Variants in AHCTF1 observed in about 807,000 individuals in gnomAD.
AHCTF1 encodes the protein AT-hook containing transcription factor 1.
Under a neutral mutation model 248.4 loss-of-function variants are expected in AHCTF1, and 24 were observed. The ratio of observed to expected loss-of-function variants is 0.10; its 90% CI spans 0.07 to 0.14. The LOEUF is 0.14. AHCTF1 is among the 10% of genes least tolerant of loss of function. The pLI is 1.00. For missense variants in AHCTF1, 2,206 were observed against 2,636.2 expected, an observed-to-expected ratio of 0.84 and a Z score of 3.57; for synonymous variants, 786 against 929.8, an observed-to-expected ratio of 0.85 and a Z score of 2.81.
rs963906079 is a variant in AHCTF1 at position 246,917,293 on chromosome 1, C to A, written c.122-898G>T. On this transcript the variant is annotated intron_variant, in intron 2 of 35. Transcript: ENST00000648844. ...ACAGGGAGGTGAGTAAAACAAGAAT[C>A]AAGTACAGACTCCGAATTTCTGCTT... Among the ~76,000 whole-genome samples the A allele has an allele frequency of 4.6e-5, 7 of 152,172 alleles. 1 individual carries two copies. The highest frequency in any genetic ancestry group is 4.1e-4 in the South Asian group (2 of 4,834).
chr1:246,898,133 A>C, intron 12 of AHCTF1, 75 bp downstream of exon 12: 1 of 1,577,900 alleles, frequency 6.3e-7, no homozygotes, highest in Non-Finnish European at 8.6e-7. Flanking sequence ...AAATTATCTA[A>C]TACATTTTTA....
chr1:246,900,540 A>G (rs1437948284), intron 8 of AHCTF1, 71 bp from the exon 9 acceptor site: 5 of 1,460,668 alleles, frequency 3.4e-6, no homozygotes, highest in Admixed American at 2.7e-5. Context: ...ACAGAATTAT[A>G]GCAAGATTTT....
At chr1:246,862,626 CT>C (rs1661651551) in intron 27 of AHCTF1, among the ~76,000 whole-genome samples, 2 of 152,096 alleles carry the variant, frequency 1.3e-5, no homozygotes, top group South Asian at 2.1e-4. Context: ...TCTTCCAGAG[CT>C]TTTTATACGT....
intron 1 of AHCTF1, among the ~76,000 whole-genome samples, chr1:246,921,221 T>C (rs551096776): frequency 1.3e-5 from 2 of 151,936 alleles, no homozygotes; most frequent in Non-Finnish European, 2.9e-5. Context: ...GACAAAACTA[T>C]GAAAAAAACA....
At chr1:246,885,754 T>TA (rs1663772854) in intron 20 of AHCTF1, 74 bp from the exon 21 acceptor site, 1 of 1,333,054 alleles carries the variant, frequency 7.5e-7, no homozygotes, top group Non-Finnish European at 1.0e-6. Context: ...AACCTAACAC[T>TA]AAAAACCACA....
At chr1:246,919,281 T>C (rs1256343336) in intron 1 of AHCTF1, among the ~76,000 whole-genome samples, 1 of 152,134 alleles carries the variant, frequency 6.6e-6, no homozygotes, top group Non-Finnish European at 1.5e-5. Flanking sequence ...AGCCTAAAGG[T>C]GAGCAAGAAC....
In AHCTF1 at chr1:246,876,007, G is replaced by A. The variant is rs755976686; in HGVS notation, c.3088+30C>T. ...ATTCAGTATCTTTTTTGATCCAATA[G>A]ATTATGATATTCTTCAATGAAATTC... is the stretch of plus-strand genomic sequence containing the variant. On this transcript the variant is annotated intron_variant, in intron 24 of 35. Coordinates refer to ENST00000648844, the MANE Select transcript of AHCTF1 (RefSeq NM_001323342.2). 1.9e-6 allele frequency: 3 copies of A among 1,553,616 alleles called. No homozygotes were observed. In the South Asian group the frequency reaches 3.6e-5, roughly 19 times the overall value.
intron 21 of AHCTF1, 126 bp downstream of exon 21, chr1:246,885,367 C>G: frequency 1.4e-6 from 1 of 704,528 alleles, no homozygotes; most frequent in Non-Finnish European, 2.3e-6. Context: ...GATGCAGAAC[C>G]CACTAATACA....
chr1:246,889,499 C>CT (rs1334732691), intron 17 of AHCTF1, among the ~76,000 whole-genome samples: 1 of 152,154 alleles, frequency 6.6e-6, no homozygotes, highest in African/African-American at 2.4e-5. Flanking sequence ...TAAAATATGC[C>CT]TAGTCAATCT....
At chr1:246,893,440 CAAGAG>C (rs945497531) in intron 14 of AHCTF1, among the ~76,000 whole-genome samples, 2 of 152,212 alleles carry the variant, frequency 1.3e-5, no homozygotes, top group African/African-American at 4.8e-5. Flanking sequence ...CATCATGACA[CAAGAG>C]AAATGACTAA....
intron 1 of AHCTF1, among the ~76,000 whole-genome samples, chr1:246,926,623 A>T (rs1331770846): frequency 6.6e-6 from 1 of 152,154 alleles, no homozygotes; most frequent in African/African-American, 2.4e-5. Flanking sequence ...CGGAAAGCTG[A>T]GGTGGGTGGA....
chr1:246,924,212 T>G (rs577101372), intron 1 of AHCTF1, among the ~76,000 whole-genome samples: 3 of 152,170 alleles, frequency 2.0e-5, no homozygotes, highest in Non-Finnish European at 4.4e-5. Flanking sequence ...TTTAAAAAAT[T>G]TATAAAGAAA....
chr1:246,869,867 A>G (rs1272399505), intron 24 of AHCTF1, among the ~76,000 whole-genome samples: 1 of 152,230 alleles, frequency 6.6e-6, no homozygotes, highest in Non-Finnish European at 1.5e-5. Context: ...CGCAATTTTC[A>G]AGATATAATT....
intron 11 of AHCTF1, among the ~76,000 whole-genome samples, chr1:246,898,738 A>T (rs970492346): frequency 2.0e-5 from 3 of 152,108 alleles, no homozygotes; most frequent in Non-Finnish European, 4.4e-5. Context: ...TACAGCATTC[A>T]TCCACATCTG....
intron 1 of AHCTF1, chr1:246,931,165 A>G (rs1667328401): frequency 1.3e-6 from 2 of 1,550,274 alleles, no homozygotes; most frequent in South Asian, 1.2e-5. Flanking sequence ...ACACACGCCA[A>G]CACAGGACAG....
Position 246,839,949 on chromosome 1 carries a change from T to G in AHCTF1, c.*857A>C, listed in dbSNP as rs1418003999. 3 of 152,592 alleles carry G rather than the reference T, an allele frequency of 2.0e-5. No individual in the cohort carries two copies. Among genetic ancestry groups the G allele is most frequent in the Non-Finnish European group, 4.4e-5 (3 of 68,048 alleles). The allele number at this position is 152,592 out of a possible 1,614,324, so 9.5% of individuals were successfully genotyped here. ...ATTTGCCAGTTTTAAAACCTGAATA[T>G]TAAGGGATTTCTGTGGTTCAATAGC... On this transcript the variant is annotated 3_prime_UTR_variant, in exon 36 of 36. Transcript: ENST00000648844.
At chr1:246,855,905 C>T in intron 30 of AHCTF1, 78 bp from the exon 31 acceptor site, 1 of 991,802 alleles carries the variant, frequency 1.0e-6, no homozygotes, top group South Asian at 1.6e-5. Context: ...TACCACCTAA[C>T]CTGTCATTTT....
intron 1 of AHCTF1, among the ~76,000 whole-genome samples, chr1:246,920,151 A>AG (rs1295682442): frequency 6.8e-6 from 1 of 146,762 alleles, no homozygotes; most frequent in Non-Finnish European, 1.5e-5. Context: ...GCAAAAAAAA[A>AG]AAAAAAAAAA....
intron 24 of AHCTF1, among the ~76,000 whole-genome samples, chr1:246,875,794 A>ATGCTAC (rs1431696637): frequency 2.6e-5 from 4 of 152,210 alleles, no homozygotes; most frequent in African/African-American, 9.6e-5. Flanking sequence ...TTTAAGAATA[A>ATGCTAC]TGCTACTGCA....
Sources: gnomAD v4.1 joint callset for allele counts (sites outside exome capture counted in the v4.1 genomes callset) on GRCh38, gnomAD v4.1.1 for gene constraint, MANE v1.5 for transcripts, NCBI Gene and HGNC (gene_info 2026-07-23, HGNC 2026-07-21) for gene names.